DOCK1: variants seen among roughly 807,000 people sequenced by gnomAD.
DOCK1 encodes the protein dedicator of cytokinesis protein 1.
Under a neutral mutation model 262.7 loss-of-function variants are expected in DOCK1, and 138 were observed. That is an observed-to-expected ratio of 0.53 (90% CI 0.46 to 0.61). The LOEUF is 0.61. Among genes scored for constraint, DOCK1 ranks in the 20% least tolerant of loss-of-function variants. DOCK1 has a pLI of 0.00. For synonymous variants in DOCK1, 866 were observed against 867.4 expected, an observed-to-expected ratio of 1.00 and a Z score of 0.03; for missense variants, 1,908 against 2,370.7, an observed-to-expected ratio of 0.80 and a Z score of 4.05.
intron 23 of DOCK1, among the ~76,000 whole-genome samples, chr10:127,064,166 G>A (rs2045710915): frequency 2.0e-5 from 3 of 152,172 alleles, no homozygotes; most frequent in South Asian, 2.1e-4. Flanking sequence ...TTCCCCAAGT[G>A]TGGCCCTCGT....
intron 29 of DOCK1, among the ~76,000 whole-genome samples, chr10:127,294,490 T>C (rs563024136): frequency 9.1e-4 from 138 of 151,664 alleles, no homozygotes; most frequent in Non-Finnish European, 1.5e-3. Context: ...CCAGGCTGAT[T>C]TTTGTACTTT....
At chr10:127,030,826 CTCTA>C (rs2043186969) in intron 16 of DOCK1, among the ~76,000 whole-genome samples, 1 of 151,846 alleles carries the variant, frequency 6.6e-6, no homozygotes, top group South Asian at 2.1e-4. Flanking sequence ...CTGTCTCTAT[CTCTA>C]TCTCTGTCTC....
At chr10:127,447,667 A>G (rs2070673930) in intron 51 of DOCK1, 122 bp downstream of exon 51, 2 of 1,427,294 alleles carry the variant, frequency 1.4e-6, no homozygotes, top group East Asian at 2.5e-5. Flanking sequence ...AAAACCATGT[A>G]TGATGGGCCC....
intron 27 of DOCK1, among the ~76,000 whole-genome samples, chr10:127,205,358 G>C (rs748882602): frequency 2.6e-5 from 4 of 152,334 alleles, no homozygotes; most frequent in Non-Finnish European, 5.9e-5. Flanking sequence ...TGGCCTGCCT[G>C]GTTCATCCTC....
intron 1 of DOCK1, among the ~76,000 whole-genome samples, chr10:126,946,158 A>G (rs2035385744): frequency 6.6e-6 from 1 of 152,158 alleles, no homozygotes. Context: ...AAAAATGCAC[A>G]TTTCATTGGC....
intron 25 of DOCK1, among the ~76,000 whole-genome samples, chr10:127,122,929 A>G (rs1395857854): frequency 6.6e-6 from 1 of 152,192 alleles, no homozygotes; most frequent in African/African-American, 2.4e-5. Context: ...AGAATAGCAC[A>G]GATCACAACT....
chr10:127,423,724 G>A (rs980926377), intron 46 of DOCK1, among the ~76,000 whole-genome samples: 3 of 152,196 alleles, frequency 2.0e-5, no homozygotes, highest in Non-Finnish European at 2.9e-5. Flanking sequence ...GTGTCCAGGG[G>A]TGGTGCTCCT....
intron 29 of DOCK1, among the ~76,000 whole-genome samples, chr10:127,261,466 T>C (rs111200322): frequency 3.5e-4 from 51 of 144,130 alleles, no homozygotes; most frequent in South Asian, 6.8e-4. Context: ...CGTGTGTGTG[T>C]GCCTGCATGT....
At chr10:127,357,517 C>T (rs1054491844) in intron 32 of DOCK1, among the ~76,000 whole-genome samples, 1 of 152,288 alleles carries the variant, frequency 6.6e-6, no homozygotes, top group African/African-American at 2.4e-5. Flanking sequence ...CCAAGTCAAG[C>T]GACAGGAGAC....
chr10:126,948,949 G>C (rs1214586794), intron 1 of DOCK1, among the ~76,000 whole-genome samples: 1 of 152,124 alleles, frequency 6.6e-6, no homozygotes, highest in Admixed American at 6.5e-5. Flanking sequence ...CCCGCAAGCT[G>C]GGCTTTCAGA....
At chr10:127,009,372 G>C (rs1204511162) in intron 11 of DOCK1, among the ~76,000 whole-genome samples, 3 of 152,122 alleles carry the variant, frequency 2.0e-5, no homozygotes, top group Admixed American at 1.3e-4. Context: ...AGCTCTTGGA[G>C]GAGATTCATT....
At chr10:127,057,701 G>A (rs1030387408) in intron 22 of DOCK1, among the ~76,000 whole-genome samples, 1 of 152,178 alleles carries the variant, frequency 6.6e-6, no homozygotes, top group African/African-American at 2.4e-5. Flanking sequence ...TTCTGCATCA[G>A]AATCAAATTA....
chr10:127,000,415 C>T (rs2040502895), intron 10 of DOCK1, 108 bp downstream of exon 10: 1 of 1,418,096 alleles, frequency 7.1e-7, no homozygotes, highest in Admixed American at 2.7e-5. Flanking sequence ...GATTTATAAG[C>T]TTTTCTGCTG....
chr10:127,088,778 C>T (rs2047345390), intron 23 of DOCK1, among the ~76,000 whole-genome samples: 1 of 152,080 alleles, frequency 6.6e-6, no homozygotes. Flanking sequence ...CCATGGTTGC[C>T]AGTTGGTGTA....
intron 23 of DOCK1, among the ~76,000 whole-genome samples, chr10:127,090,014 A>G (rs894189209): frequency 6.6e-5 from 10 of 152,326 alleles, no homozygotes; most frequent in Middle Eastern, 3.4e-3. Flanking sequence ...AGGATTGTTG[A>G]AAAGCAACTG....
At chr10:127,379,076 G>A (rs530165432) in intron 35 of DOCK1, among the ~76,000 whole-genome samples, 23 of 152,252 alleles carry the variant, frequency 1.5e-4, no homozygotes, top group African/African-American at 5.5e-4. Context: ...TTCAGGCTCC[G>A]ATTCTAGAGG....
chr10:127,194,035 G>T (rs1330015668), intron 27 of DOCK1, among the ~76,000 whole-genome samples: 1 of 152,160 alleles, frequency 6.6e-6, no homozygotes, highest in African/African-American at 2.4e-5. Flanking sequence ...CAAAGTCGTG[G>T]CAACTGTAAT....
At chr10:127,249,400 T>A (rs1286988612) in intron 28 of DOCK1, among the ~76,000 whole-genome samples, 1 of 8,078 alleles carries the variant, frequency 1.2e-4, no homozygotes, top group Non-Finnish European at 3.8e-4. Context: ...TACACACATA[T>A]ATACATATAT....
intron 38 of DOCK1, among the ~76,000 whole-genome samples, chr10:127,389,581 T>C (rs1255880270): frequency 6.6e-6 from 1 of 152,194 alleles, no homozygotes; most frequent in Non-Finnish European, 1.5e-5. Flanking sequence ...TCTGGGTCCC[T>C]GCCCAAATCT....
Sources: allele counts gnomAD v4.1 joint callset (sites outside exome capture counted in the v4.1 genomes callset), GRCh38; gene constraint gnomAD v4.1.1; transcripts MANE v1.5; gene names NCBI Gene and HGNC (gene_info 2026-07-23, HGNC 2026-07-21).